The following SNRNP70 variants were observed in gnomAD, a reference collection of about 807,000 sequenced individuals.
SNRNP70 encodes the protein small nuclear ribonucleoprotein U1 subunit 70, also known as U1 small nuclear ribonucleoprotein 70 kDa.
In SNRNP70, 8 loss-of-function variants were observed where a neutral mutation model predicts 50.5. The ratio of observed to expected loss-of-function variants is 0.16; its 90% CI spans 0.09 to 0.29. SNRNP70 has a LOEUF of 0.29. SNRNP70 is among the 10% of genes least tolerant of loss of function. The probability of loss-of-function intolerance (pLI) is 1.00; values close to 1 mark genes in which losing one functional copy is unlikely to be tolerated. For synonymous variants in SNRNP70, 320 were observed against 252.9 expected, an observed-to-expected ratio of 1.27 and a Z score of -2.52; for missense variants, 529 against 663.5, an observed-to-expected ratio of 0.80 and a Z score of 2.23.
chr19:49,108,001 G>A lies in SNRNP70; in HGVS notation c.872G>A (p.Arg291Gln). The change falls in exon 10 of 10, where the codon CGA becomes CAA. Residue 291 changes from arginine to glutamine, a missense_variant. Arg to Gln is a conservative substitution (Grantham distance 43). Coordinates refer to ENST00000598441, the MANE Select transcript of SNRNP70 (RefSeq NM_003089.6). ...GACAAGGACCGGGACCGGAAGCGGCGAAGCAGCCGGAGTCGGGAGCGGGCC... is the reference window on the plus strand; with the variant it reads ...GACAAGGACCGGGACCGGAAGCGGCAAAGCAGCCGGAGTCGGGAGCGGGCC... ...SKDKDRDRKRRSSRSRERARR... is the reference protein window; with the variant it reads ...SKDKDRDRKRQSSRSRERARR... The A allele has an allele frequency of 6.5e-7, 1 of 1,547,784 alleles. No individual in the cohort carries two copies. Among genetic ancestry groups the A allele is most frequent in the Non-Finnish European group, 8.7e-7 (1 of 1,146,108 alleles).
At chr19:49,096,144 A>G (rs1053454412) in intron 4 of SNRNP70, among the ~76,000 whole-genome samples, 5 of 150,304 alleles carry the variant, frequency 3.3e-5, no homozygotes, top group Admixed American at 2.0e-4. Flanking sequence ...TGCAATCTCC[A>G]CCTCCCAGAT....
chr19:49,085,731 C>G, intron 1 of SNRNP70, 95 bp downstream of exon 1: 1 of 438,346 alleles, frequency 2.3e-6, no homozygotes, highest in Non-Finnish European at 4.6e-6. Flanking sequence ...GGCCAGGCCC[C>G]TTTCCCGCGT....
chr19:49,102,007 G>C, intron 7 of SNRNP70: 1 of 491,124 alleles, frequency 2.0e-6, no homozygotes, highest in Non-Finnish European at 3.8e-6. Context: ...CCCCCTTTGA[G>C]GCTGCCGCGG....
chr19:49,102,216 C>T (rs915069525), intron 7 of SNRNP70: 27 of 1,280,034 alleles, frequency 2.1e-5, no homozygotes, highest in East Asian at 1.1e-4. Context: ...CACTCAGCAC[C>T]GCACACCAGC....
chr19:49,089,592 A>G (rs1334359437), intron 2 of SNRNP70, among the ~76,000 whole-genome samples: 3 of 151,696 alleles, frequency 2.0e-5, no homozygotes, highest in Admixed American at 1.3e-4. Flanking sequence ...TTCTGTACTT[A>G]TCACAGTCCA....
intron 7 of SNRNP70, chr19:49,102,247 A>C: frequency 1.2e-3 from 1,391 of 1,133,080 alleles, no homozygotes; most frequent in Non-Finnish European, 1.5e-3. Flanking sequence ...CAGGCAGCTC[A>C]GGAGCAGCGA....
Position 49,108,223 on chromosome 19 carries a change from G to A in SNRNP70, c.1094G>A (p.Arg365His). Reference protein sequence around the residue: ...RRSHRSERERRRDRDRDRDRD... With the variant: ...RRSHRSERERHRDRDRDRDRD... ...AGCCACCGGAGCGAGCGCGAGCGGC[G>A]CCGGGACCGGGATCGTGACCGTGAC... The change falls in exon 10 of 10, where the codon CGC (arginine) becomes CAC (histidine). Residue 365 changes from arginine (R) to histidine (H), a missense_variant. Arg to His is a conservative substitution (Grantham distance 29). This residue lies in a region of SNRNP70 where 327 missense variants were observed against 308.8 expected (regional missense o/e 1.06). Transcript: ENST00000598441. 3 of 1,534,020 alleles carry A rather than the reference G, an allele frequency of 2.0e-6. No individual in the cohort carries two copies. Among genetic ancestry groups the A allele is most frequent in the Non-Finnish European group, 8.8e-7 (1 of 1,139,104 alleles).
chr19:49,104,676 G>T lies in SNRNP70; in HGVS notation c.518G>T (p.Arg173Met). ...GATGGCAAGAAGATTGATGGCAGGAGGGTCCTTGTGGACGTGGAGAGGGGC... is the reference window on the plus strand; with the variant it reads ...GATGGCAAGAAGATTGATGGCAGGATGGTCCTTGTGGACGTGGAGAGGGGC... ...HADGKKIDGR[R>M]VLVDVERGRT... The change falls in exon 8 of 10, where the codon AGG becomes ATG. Residue 173 changes from arginine to methionine, a missense_variant. By Grantham distance (91) the Arg-to-Met change is moderately conservative. Transcript: ENST00000598441. The surrounding 1 kb of genome is among the most constrained non-coding windows in gnomAD (Gnocchi z 5.4). The T allele has an allele frequency of 6.4e-7, 1 of 1,561,144 alleles. No individual in the cohort carries two copies.
At chr19:49,098,329 T>C in intron 4 of SNRNP70, 98 bp from the exon 5 acceptor site, 1 of 991,560 alleles carries the variant, frequency 1.0e-6, no homozygotes, top group Non-Finnish European at 1.5e-6. Context: ...CCTCTCCCAA[T>C]GCCACCGTTT....
chr19:49,104,880 G>A lies in SNRNP70; in HGVS notation c.577+145G>A. 1 of 585,712 alleles carries A rather than the reference G, an allele frequency of 1.7e-6. No individual in the cohort carries two copies. Among genetic ancestry groups the A allele is most frequent in the Admixed American group, 3.2e-5 (1 of 30,930 alleles). The allele number at this position is 585,712 out of a possible 1,614,324, so 36.3% of individuals were successfully genotyped here. On this transcript the variant is annotated intron_variant, in intron 8 of 9. Transcript: ENST00000598441. This position sits in a 1 kb window ranked among gnomAD's most constrained non-coding sequence, Gnocchi z 5.4. ...TCATCTCCGGCTTCTCTCTCTTGTG[G>A]CCATCACATTTCTGACAGCTGCCTG...
chr19:49,096,878 C>A (rs775121451), intron 4 of SNRNP70, among the ~76,000 whole-genome samples: 20 of 151,780 alleles, frequency 1.3e-4, no homozygotes, highest in Admixed American at 1.3e-3. Context: ...GCCTGTAATC[C>A]CAGCACTTTG....
At chr19:49,106,044 C>G (rs2040663797) in intron 8 of SNRNP70, among the ~76,000 whole-genome samples, 1 of 152,202 alleles carries the variant, frequency 6.6e-6, no homozygotes, top group African/African-American at 2.4e-5. Context: ...GGCAGACACC[C>G]AGGCAGTAGT....
chr19:49,094,855 G>C (rs995927595), intron 4 of SNRNP70, among the ~76,000 whole-genome samples: 1 of 152,198 alleles, frequency 6.6e-6, no homozygotes, highest in African/African-American at 2.4e-5. Context: ...ATGGAGGCTT[G>C]TTGAGGCAAG....
intron 7 of SNRNP70, 62 bp downstream of exon 7, chr19:49,101,533 CCTCCCAGTCT>C (rs973759934): frequency 1.8e-5 from 21 of 1,193,140 alleles, no homozygotes; most frequent in Non-Finnish European, 2.6e-5. Flanking sequence ...TGCCCCAGCC[CCTCCCAGTCT>C]GTCCCCTCCC....
rs1160786606 is a variant in SNRNP70, at chr19:49,104,345, T to G, written c.476-289T>G. On this transcript the variant is annotated intron_variant, in intron 7 of 9. Coordinates refer to ENST00000598441, the MANE Select transcript of SNRNP70 (RefSeq NM_003089.6). The surrounding 1 kb of genome is among the most constrained non-coding windows in gnomAD (Gnocchi z 5.4). ...CTGGCGGGAGGGGGCTGTTCCATCA[T>G]GTGGGAGAGGAAGGGCCGGGGAGCC... is the stretch of plus-strand genomic sequence containing the variant. 7 of 373,898 alleles carry G rather than the reference T, an allele frequency of 1.9e-5. No homozygotes were observed. The highest frequency in any genetic ancestry group is 5.2e-5 in the East Asian group (1 of 19,112). The allele number at this position is 373,898 out of a possible 1,614,324, so 23.2% of individuals were successfully genotyped here. A position where few individuals can be genotyped will look rare whatever the true frequency, so the allele number is the denominator to read the frequency against.
chr19:49,099,844 C>T (rs2040559883), intron 6 of SNRNP70, among the ~76,000 whole-genome samples: 1 of 152,308 alleles, frequency 6.6e-6, no homozygotes, highest in East Asian at 1.9e-4. Flanking sequence ...GAGGCAAGAC[C>T]AGCCTGGCCA....
At position 49,100,767 on chromosome 19, in the gene SNRNP70, T is replaced by C. The variant is rs1373504330; in HGVS notation, c.394-623T>C. Among the ~76,000 whole-genome samples, 9 of 146,432 alleles carry C rather than the reference T, an allele frequency of 6.1e-5. No homozygotes were observed. In the Admixed American group the frequency reaches 6.3e-4, roughly 10 times the overall value. ...GTTGCAGTGAGCTGAGATTGAGCCA[T>C]TGCACTCTAGCCTGGGCAACAGAGC... On this transcript the variant is annotated intron_variant, in intron 6 of 9. Transcript: ENST00000598441.
chr19:49,096,780 A>G (rs1213799040), intron 4 of SNRNP70, among the ~76,000 whole-genome samples: 1 of 152,054 alleles, frequency 6.6e-6, no homozygotes, highest in Non-Finnish European at 1.5e-5. Context: ...CAAAAAAAGT[A>G]CATTCCTTAA....
chr19:49,089,628 A>C (rs182052958), intron 2 of SNRNP70, among the ~76,000 whole-genome samples: 18 of 150,116 alleles, frequency 1.2e-4, no homozygotes, highest in Admixed American at 1.1e-3. Context: ...GTACTGGTCC[A>C]TGGACCATGC....
Sources: gnomAD v4.1 joint callset for allele counts (sites outside exome capture counted in the v4.1 genomes callset) on GRCh38, gnomAD v4.1.1 for gene constraint, gnomAD v4.1.1 regional missense constraint, Gnocchi (gnomAD v3.1) non-coding constraint, MANE v1.5 for transcripts, NCBI Gene and HGNC (gene_info 2026-07-23, HGNC 2026-07-21) for gene names.